Variants in DSC1 observed in about 807,000 individuals in gnomAD.
The protein encoded by DSC1 is desmocollin 1.
A neutral mutation model predicts 98.8 loss-of-function variants in DSC1; 79 were observed. The ratio of observed to expected loss-of-function variants is 0.80; its 90% confidence interval spans 0.67 to 0.96. The LOEUF is 0.96. Among genes scored for constraint, DSC1 ranks in the 50% least tolerant of loss-of-function variants. DSC1 has a pLI of 0.00. For missense variants in DSC1, 1,115 were observed against 1,075.9 expected, an observed-to-expected ratio of 1.04 and a Z score of -0.51; for synonymous variants, 405 against 372.1, an observed-to-expected ratio of 1.09 and a Z score of -1.02.
At chr18:31,149,067 C>T (rs1402511767) in intron 5 of DSC1, among the ~76,000 whole-genome samples, 1 of 152,056 alleles carries the variant, frequency 6.6e-6, no homozygotes, top group African/African-American at 2.4e-5. Context: ...ATGTTTTTTA[C>T]CTATATTTTC....
At chr18:31,136,722 A>C (rs911601261) in intron 11 of DSC1, among the ~76,000 whole-genome samples, 2 of 152,228 alleles carry the variant, frequency 1.3e-5, no homozygotes, top group Non-Finnish European at 2.9e-5. Flanking sequence ...ATAATGTTTC[A>C]AGAAAGTTTA....
intron 13 of DSC1, among the ~76,000 whole-genome samples, chr18:31,133,389 A>G (rs1350172872): frequency 1.3e-5 from 2 of 152,184 alleles, no homozygotes; most frequent in Admixed American, 6.5e-5. Flanking sequence ...GCTTTTCCTC[A>G]GTGGCTCATA....
intron 9 of DSC1, 28 bp downstream of exon 9, chr18:31,141,970 AG>A: frequency 6.4e-7 from 1 of 1,572,352 alleles, no homozygotes; most frequent in Non-Finnish European, 8.6e-7. Context: ...GATATTTTAA[AG>A]CATAGCCTGA....
chr18:31,149,360 A>G (rs58434527), intron 5 of DSC1, among the ~76,000 whole-genome samples: 33,764 of 152,152 alleles, frequency 0.22, 4,290 homozygotes, highest in East Asian at 0.56. Context: ...TACCACAACT[A>G]GCTCTTCTAA....
rs1414848346 is a variant in DSC1, at chr18:31,150,345, C to T, written c.628-1703G>A. On this transcript the variant is annotated intron_variant, in intron 5 of 15. Transcript: ENST00000257198. Reference sequence around the variant, plus strand: ...ATCATCACCACCACCACTACCATCACCACCACCACCACCATCATCACCACC... The same window carrying T: ...ATCATCACCACCACCACTACCATCATCACCACCACCACCATCATCACCACC... Among the ~76,000 whole-genome samples the T allele has an allele frequency of 7.9e-4, 40 of 50,438 alleles. 3 individuals are homozygous for T. The East Asian group carries it at 8.9e-3, about 11-fold the overall frequency. The allele number at this position is 50,438 out of a possible 152,430, so 33.1% of individuals were successfully genotyped here. A position where few individuals can be genotyped will look rare whatever the true frequency, so the allele number is the denominator to read the frequency against.
At chr18:31,146,803 C>T (rs1988855625) in intron 6 of DSC1, among the ~76,000 whole-genome samples, 1 of 152,116 alleles carries the variant, frequency 6.6e-6, no homozygotes, top group Non-Finnish European at 1.5e-5. Flanking sequence ...AGAGGAATAC[C>T]ACATCTTTTC....
Position 31,160,743 on chromosome 18 carries a change from A to G in DSC1, c.64-1214T>C, listed in dbSNP as rs563667843. On this transcript the variant is annotated intron_variant, in intron 1 of 15. Coordinates refer to ENST00000257198, the MANE Select transcript of DSC1 (RefSeq NM_024421.2). ...TTAAAGAACTTTCTAAGCATAGACC[A>G]TACTGTTAATAGTTGTCTAAGTATA... Among the ~76,000 whole-genome samples the G allele has an allele frequency of 2.0e-5, 3 of 152,302 alleles. No homozygotes were observed. In the South Asian group the frequency reaches 6.2e-4, roughly 32 times the overall value.
intron 8 of DSC1, among the ~76,000 whole-genome samples, chr18:31,142,673 CT>C (rs60644385): frequency 0.41 from 61,998 of 151,534 alleles, 13,170 homozygotes; most frequent in Non-Finnish European, 0.46. Flanking sequence ...AAAAGTTTTC[CT>C]TTTTTTTTGA....
intron 5 of DSC1, among the ~76,000 whole-genome samples, chr18:31,154,444 C>A (rs944707408): frequency 6.6e-6 from 1 of 152,006 alleles, no homozygotes; most frequent in East Asian, 1.9e-4. Context: ...TTATAATGTA[C>A]AGCCATGGTT....
intron 6 of DSC1, among the ~76,000 whole-genome samples, chr18:31,147,092 G>C (rs1568001164): frequency 1.3e-5 from 2 of 152,018 alleles, no homozygotes; most frequent in Non-Finnish European, 2.9e-5. Context: ...AGTCAGTCTT[G>C]TTATACCCCT....
chr18:31,136,416 C>T (rs573582513), intron 11 of DSC1, among the ~76,000 whole-genome samples: 84 of 152,202 alleles, frequency 5.5e-4, no homozygotes, highest in African/African-American at 1.9e-3. Flanking sequence ...ATTATAGTAA[C>T]GCAAATCAAG....
rs138629004 is a variant in DSC1 at position 31,152,124 on chromosome 18, T to C, written c.627+2650A>G. Among the ~76,000 whole-genome samples, 538 of 151,846 alleles carry C rather than the reference T, an allele frequency of 3.5e-3. 1 individual carries two copies. The highest frequency in any genetic ancestry group is 0.013 in the African/African-American group (520 of 41,346). ...TTGCAGTGAGCCGAGATCGGATTAC[T>C]GCACTCCAGCCTGGGAGACAGAGTG... On this transcript the variant is annotated intron_variant, in intron 5 of 15. Transcript: ENST00000257198.
intron 6 of DSC1, among the ~76,000 whole-genome samples, chr18:31,146,815 T>A (rs1035712854): frequency 3.3e-5 from 5 of 152,228 alleles, no homozygotes; most frequent in Admixed American, 2.0e-4. Flanking sequence ...CATCTTTTCA[T>A]GTAATAACAA....
intron 5 of DSC1, among the ~76,000 whole-genome samples, chr18:31,153,535 C>T (rs1397808581): frequency 2.6e-5 from 4 of 152,052 alleles, no homozygotes; most frequent in Admixed American, 2.6e-4. Flanking sequence ...CCACTACAAT[C>T]CCACCATGAA....
chr18:31,129,738 A>G lies in DSC1; in HGVS notation c.*776T>C. 6.6e-6 allele frequency: 1 copy of G among 152,174 alleles called. No individual in the cohort carries two copies. Among genetic ancestry groups the G allele is most frequent in the Admixed American group, 6.5e-5 (1 of 15,278 alleles). The allele number at this position is 152,174 out of a possible 1,614,324, so 9.4% of individuals were successfully genotyped here. On this transcript the variant is annotated 3_prime_UTR_variant, in exon 16 of 16. Transcript: ENST00000257198. ...GTTGAGCAAACGAAACATATTTGTG[A>G]GCATAAGTCAACCCATGGACCTCAG...
At chr18:31,141,699 A>C (rs1423547822) in intron 9 of DSC1, among the ~76,000 whole-genome samples, 6 of 152,180 alleles carry the variant, frequency 3.9e-5, no homozygotes, top group Admixed American at 3.9e-4. Flanking sequence ...TAAAAAAGAA[A>C]TGTGGACAAG....
At chr18:31,152,181 A>C (rs1044129841) in intron 5 of DSC1, among the ~76,000 whole-genome samples, 4 of 152,030 alleles carry the variant, frequency 2.6e-5, no homozygotes, top group Admixed American at 2.6e-4. Context: ...ACAAAAAAAA[A>C]CAAGATAATA....
chr18:31,136,258 C>T (rs1203877022), intron 11 of DSC1, among the ~76,000 whole-genome samples: 1 of 151,802 alleles, frequency 6.6e-6, no homozygotes, highest in African/African-American at 2.4e-5. Context: ...GAAAAAGAGG[C>T]CTTATAAAGT....
At chr18:31,132,227 C>T in intron 14 of DSC1, 1 of 345,978 alleles carries the variant, frequency 2.9e-6, no homozygotes, top group Non-Finnish European at 5.4e-6. Flanking sequence ...CTGCCATAAG[C>T]CAGGGAATTG....
Sources: gnomAD v4.1 joint callset for allele counts (sites outside exome capture counted in the v4.1 genomes callset) on GRCh38, gnomAD v4.1.1 for gene constraint, MANE v1.5 for transcripts, NCBI Gene and HGNC (gene_info 2026-07-23, HGNC 2026-07-21) for gene names.